Variants in MAGI2 observed in about 807,000 individuals in gnomAD.
MAGI2 encodes the protein membrane associated guanylate kinase, WW and PDZ domain containing 2, also known as membrane-associated guanylate kinase, WW and PDZ domain-containing protein 2.
A neutral mutation model predicts 133.3 loss-of-function variants in MAGI2; 35 were observed. That is an observed-to-expected ratio of 0.26 (90% CI 0.20 to 0.35). MAGI2 has a LOEUF of 0.35. Among genes scored for constraint, MAGI2 ranks in the 10% least tolerant of loss-of-function variants. The probability of loss-of-function intolerance (pLI) is 1.00; values close to 1 mark genes in which losing one functional copy is unlikely to be tolerated. For missense variants in MAGI2, 1,636 were observed against 1,863.4 expected, an observed-to-expected ratio of 0.88 and a Z score of 2.25; for synonymous variants, 729 against 710.6, an observed-to-expected ratio of 1.03 and a Z score of -0.41.
At chr7:78,490,853 G>A (rs1793539624) in intron 5 of MAGI2, among the ~76,000 whole-genome samples, 1 of 152,042 alleles carries the variant, frequency 6.6e-6, no homozygotes, top group Non-Finnish European at 1.5e-5. Flanking sequence ...ACATTTATGA[G>A]GGGTTTGGGA....
chr7:78,178,131 T>A, intron 13 of MAGI2, 29 bp from the exon 14 acceptor site: 1 of 1,402,108 alleles, frequency 7.1e-7, no homozygotes. Context: ...CATTGAGTAA[T>A]GAATCCTGCC....
At chr7:78,806,142 G>C (rs1450063542) in intron 2 of MAGI2, among the ~76,000 whole-genome samples, 1 of 152,236 alleles carries the variant, frequency 6.6e-6, no homozygotes, top group Non-Finnish European at 1.5e-5. Flanking sequence ...AGCAGTATAA[G>C]TGATACTGCT....
At chr7:78,373,561 G>T (rs1794144836) in intron 6 of MAGI2, among the ~76,000 whole-genome samples, 1 of 143,990 alleles carries the variant, frequency 6.9e-6, no homozygotes, top group Admixed American at 7.1e-5. Flanking sequence ...ACTATTGGAG[G>T]GCTCCTACTC....
At chr7:78,167,798 C>T (rs1161685011) in intron 15 of MAGI2, 118 bp downstream of exon 15, 1 of 920,940 alleles carries the variant, frequency 1.1e-6, no homozygotes, top group Non-Finnish European at 1.6e-6. Flanking sequence ...TAGGTTGTTT[C>T]CTTCCTCATA....
intron 2 of MAGI2, among the ~76,000 whole-genome samples, chr7:78,829,421 CAAAGATTTTTTCATGGCTCAATT>C (rs1790943291): frequency 6.6e-6 from 1 of 151,902 alleles, no homozygotes; most frequent in Admixed American, 6.6e-5. Flanking sequence ...ATGGCTCAAT[CAAAGATTTTTTCATGGCTCAATT>C]AAAGAGCACT....
Position 79,133,409 on chromosome 7 carries a change from TC to T in MAGI2, c.302-126204del, listed in dbSNP as rs1296560166. 3.9e-5 allele frequency among the ~76,000 whole-genome samples: 6 copies of T among 152,290 alleles called. No homozygotes were observed. In the East Asian group the frequency reaches 1.2e-3, roughly 29 times the overall value. On this transcript the variant is annotated intron_variant, in intron 1 of 21. Transcript: ENST00000354212. ...CCAGCATCACTTATTAAATAGTGTG[TC>T]CTTTCCCTAATTTATGTTTTTGTTT...
rs1491494586 is a variant in MAGI2, at chr7:79,449,897, T to TATATATATATATAA, written c.301+3122_301+3123insTTATATATATATAT. ...ATATACATATATATATATATATATA[T>TATATATATATATAA]AATGTCTTAAAATCCCAACATTTTA... is the stretch of plus-strand genomic sequence containing the variant. On this transcript the variant is annotated intron_variant, in intron 1 of 21. Transcript: ENST00000354212. Among the ~76,000 whole-genome samples the TATATATATATATAA allele has an allele frequency of 5.4e-4, 71 of 132,332 alleles. 2 individuals are homozygous for TATATATATATATAA. The highest frequency in any genetic ancestry group is 4.2e-3 in the Admixed American group (55 of 13,172). 86.8% of individuals were successfully genotyped at this position (132,332 alleles called of 152,430 possible).
At chr7:78,499,288 T>C (rs958125464) in intron 5 of MAGI2, among the ~76,000 whole-genome samples, 1 of 152,250 alleles carries the variant, frequency 6.6e-6, no homozygotes, top group Non-Finnish European at 1.5e-5. Flanking sequence ...CTCAAGTCTA[T>C]GTTATCTCAC....
intron 9 of MAGI2, among the ~76,000 whole-genome samples, chr7:78,324,026 G>A (rs1788286059): frequency 6.6e-6 from 1 of 152,086 alleles, no homozygotes; most frequent in Admixed American, 6.6e-5. Flanking sequence ...TGGATATACA[G>A]ACAAGGGTAT....
chr7:78,738,774 T>C (rs1464333687), intron 2 of MAGI2, among the ~76,000 whole-genome samples: 1 of 152,168 alleles, frequency 6.6e-6, no homozygotes, highest in Non-Finnish European at 1.5e-5. Context: ...CAAACGATTG[T>C]CCTTTAGATG....
intron 1 of MAGI2, among the ~76,000 whole-genome samples, chr7:79,015,832 T>C (rs553902123): frequency 6.6e-6 from 1 of 151,694 alleles, no homozygotes; most frequent in Non-Finnish European, 1.5e-5. Context: ...AGCATCCCCA[T>C]GAGAGATGGG....
intron 2 of MAGI2, among the ~76,000 whole-genome samples, chr7:78,760,361 CTTTT>C (rs71085562): frequency 1.6e-5 from 2 of 124,638 alleles, no homozygotes; most frequent in African/African-American, 6.0e-5. Context: ...TTAATTCTCT[CTTTT>C]TTTTTTTTTT....
intron 2 of MAGI2, among the ~76,000 whole-genome samples, chr7:78,647,750 T>C (rs1811050914): frequency 6.6e-6 from 1 of 152,182 alleles, no homozygotes; most frequent in Non-Finnish European, 1.5e-5. Flanking sequence ...CCAACACAAA[T>C]GTCCATGAAT....
intron 2 of MAGI2, among the ~76,000 whole-genome samples, chr7:78,803,169 A>T (rs1336925724): frequency 1.3e-5 from 2 of 152,190 alleles, no homozygotes; most frequent in African/African-American, 4.8e-5. Flanking sequence ...TAAATTAAAC[A>T]CTAGTATATT....
intron 9 of MAGI2, among the ~76,000 whole-genome samples, chr7:78,282,512 G>A (rs1185849176): frequency 6.6e-6 from 1 of 151,444 alleles, no homozygotes; most frequent in Non-Finnish European, 1.5e-5. Flanking sequence ...AGCCCATAAA[G>A]CCAAGAATAT....
At chr7:78,796,957 G>T (rs954901778) in intron 2 of MAGI2, among the ~76,000 whole-genome samples, 5 of 152,086 alleles carry the variant, frequency 3.3e-5, no homozygotes, top group South Asian at 2.1e-4. Flanking sequence ...GAGTAGAATG[G>T]TTATTATCAC....
chr7:79,331,271 A>T (rs1840050382), intron 1 of MAGI2, among the ~76,000 whole-genome samples: 1 of 152,166 alleles, frequency 6.6e-6, no homozygotes, highest in Non-Finnish European at 1.5e-5. Context: ...AGTCCATAAT[A>T]TGCAAAGTTT....
chr7:79,029,731 A>G (rs1810378905), intron 1 of MAGI2, among the ~76,000 whole-genome samples: 1 of 152,174 alleles, frequency 6.6e-6, no homozygotes, highest in Non-Finnish European at 1.5e-5. Flanking sequence ...AAGTTTTAAA[A>G]TATTTATTAC....
At chr7:78,184,423 CT>C (rs1827489099) in intron 13 of MAGI2, 2 of 152,112 alleles carry the variant, frequency 1.3e-5, no homozygotes, top group African/African-American at 4.8e-5. Context: ...GACATGGAAA[CT>C]TACAGAATGA....
Sources: gnomAD v4.1 joint callset for allele counts (sites outside exome capture counted in the v4.1 genomes callset) on GRCh38, gnomAD v4.1.1 for gene constraint, MANE v1.5 for transcripts, NCBI Gene and HGNC (gene_info 2026-07-23, HGNC 2026-07-21) for gene names.